The following KIF26B variants were observed in gnomAD, a reference collection of about 807,000 sequenced individuals.
The protein encoded by KIF26B is kinesin-like protein KIF26B.
In KIF26B, 63 loss-of-function variants were observed where a neutral mutation model predicts 151.2. The observed-to-expected ratio is 0.42, with a 90% CI of 0.34 to 0.51. The LOEUF is 0.51. Ranked by LOEUF, KIF26B falls within the 20% of genes least tolerant of loss-of-function variation. The pLI is 0.07. For synonymous variants in KIF26B, 1,357 were observed against 1,262.1 expected (o/e 1.08, Z -1.59); for missense variants, 2,813 against 2,913.6 (o/e 0.97, Z 0.79).
chr1:245,692,607 GCAAGCCACAGTCACACCCGGAACAAACA>G (rs1023244318), intron 12 of KIF26B, among the ~76,000 whole-genome samples: 6 of 152,144 alleles, frequency 3.9e-5, no homozygotes, highest in Non-Finnish European at 2.9e-5. Context: ...GCTAGCAAAC[GCAAGCCACAGTCACACCCGGAACAAACA>G]CAAGCCACAG....
intron 2 of KIF26B, among the ~76,000 whole-genome samples, chr1:245,323,187 C>T (rs959578334): frequency 1.2e-4 from 18 of 152,278 alleles, no homozygotes; most frequent in African/African-American, 3.1e-4. Flanking sequence ...TGTGTATACA[C>T]GCATGGATTT....
At chr1:245,647,380 A>G (rs928056151) in intron 10 of KIF26B, among the ~76,000 whole-genome samples, 8 of 142,506 alleles carry the variant, frequency 5.6e-5, no homozygotes, top group African/African-American at 2.1e-4. Flanking sequence ...AGCCAAGATC[A>G]CGCCACTGCA....
chr1:245,299,465 A>G (rs570910965), intron 2 of KIF26B, among the ~76,000 whole-genome samples: 1 of 152,240 alleles, frequency 6.6e-6, no homozygotes, highest in Non-Finnish European at 1.5e-5. Context: ...GGAAAGGCAA[A>G]TTAATTTTAT....
At chr1:245,574,859 TTTTTC>T (rs1449878193) in intron 5 of KIF26B, among the ~76,000 whole-genome samples, 3 of 144,036 alleles carry the variant, frequency 2.1e-5, no homozygotes, top group African/African-American at 7.9e-5. Context: ...TTTTCTTTTT[TTTTTC>T]TTTTTTTTTT....
At chr1:245,269,648 A>G (rs1670814135) in intron 2 of KIF26B, among the ~76,000 whole-genome samples, 1 of 151,866 alleles carries the variant, frequency 6.6e-6, no homozygotes, top group Admixed American at 6.6e-5. Context: ...TATTTTTAGT[A>G]GAGATGGGGT....
At chr1:245,469,688 C>A (rs1217116605) in intron 4 of KIF26B, among the ~76,000 whole-genome samples, 1 of 152,078 alleles carries the variant, frequency 6.6e-6, no homozygotes, top group East Asian at 1.9e-4. Flanking sequence ...TTAAAAACTG[C>A]CACACAAACT....
At chr1:245,689,212 G>A (rs1406471524) in intron 12 of KIF26B, among the ~76,000 whole-genome samples, 1 of 152,220 alleles carries the variant, frequency 6.6e-6, no homozygotes, top group Non-Finnish European at 1.5e-5. Flanking sequence ...GCTCTTCGCC[G>A]TCCATTCCCT....
chr1:245,695,058 T>G (rs2044673515), intron 12 of KIF26B, among the ~76,000 whole-genome samples: 1 of 152,138 alleles, frequency 6.6e-6, no homozygotes, highest in Non-Finnish European at 1.5e-5. Flanking sequence ...TTAGAGCTGA[T>G]GGTCCCCTGA....
intron 5 of KIF26B, among the ~76,000 whole-genome samples, chr1:245,598,850 G>A (rs909837148): frequency 2.6e-5 from 4 of 152,198 alleles, no homozygotes; most frequent in Admixed American, 2.0e-4. Context: ...GGACTTGGGT[G>A]CAGGAAATGC....
intron 10 of KIF26B, among the ~76,000 whole-genome samples, chr1:245,650,268 T>C (rs930902576): frequency 6.6e-6 from 1 of 152,272 alleles, no homozygotes; most frequent in African/African-American, 2.4e-5. Context: ...GGTACATTCA[T>C]TTGCTGTTCC....
intron 2 of KIF26B, chr1:245,216,392 T>TC (rs1669646460): frequency 1.3e-5 from 1 of 79,770 alleles, no homozygotes; most frequent in Non-Finnish European, 2.6e-5. Context: ...TACCCCGCCC[T>TC]CCCCCACCCC....
At chr1:245,507,045 G>A (rs1377072841) in intron 4 of KIF26B, among the ~76,000 whole-genome samples, 4 of 152,180 alleles carry the variant, frequency 2.6e-5, no homozygotes, top group Non-Finnish European at 5.9e-5. Context: ...ATACCTCCCA[G>A]GAGGCCCGAG....
chr1:245,156,442 C>T lies in KIF26B; in HGVS notation c.224C>T (p.Thr75Ile). 1.3e-6 allele frequency: 2 copies of T among 1,526,932 alleles called. No individual in the cohort carries two copies. The highest frequency in any genetic ancestry group is 1.8e-6 in the Non-Finnish European group (2 of 1,140,726). 94.6% of individuals were successfully genotyped at this position (1,526,932 alleles called of 1,614,324 possible). Reference sequence around the variant, plus strand: ...GGGACCCCGTCTCCCGGCTCGGGCACCTCGTCCCCGAGCTCGTTCACCGGC... The same window carrying T: ...GGGACCCCGTCTCCCGGCTCGGGCATCTCGTCCCCGAGCTCGTTCACCGGC... Reference protein sequence around the residue: ...SSGTPSPGSGTSSPSSFTGSP... With the variant: ...SSGTPSPGSGISSPSSFTGSP... The change falls in exon 2 of 15, where the codon ACC becomes ATC. Residue 75 changes from threonine to isoleucine, a missense_variant. Physicochemically the swap from Thr to Ile is moderately conservative, Grantham distance 89. Transcript: ENST00000407071.
chr1:245,688,489 C>T lies in KIF26B; in HGVS notation c.5506C>T (p.Leu1836=), dbSNP rs1380929389. Residue 1836 remains leucine (L), a synonymous_variant, in exon 12 of 15, where the codon CTG becomes TTG. Coordinates refer to ENST00000407071, the MANE Select transcript of KIF26B (RefSeq NM_018012.4). ...GPEAEARGGA[L]AEDEPAAAHL... ...CGAGGCGGAGGCGCGCGGGGGGGCCCTGGCCGAGGACGAGCCCGCGGCCGC... is the reference window on the plus strand; with the variant it reads ...CGAGGCGGAGGCGCGCGGGGGGGCCTTGGCCGAGGACGAGCCCGCGGCCGC... 3 of 1,438,678 alleles carry T rather than the reference C, an allele frequency of 2.1e-6. No individual in the cohort carries two copies. Among genetic ancestry groups the T allele is most frequent in the African/African-American group, 3.0e-5 (2 of 67,134 alleles). The allele number at this position is 1,438,678 out of a possible 1,614,324, so 89.1% of individuals were successfully genotyped here. A position where few individuals can be genotyped will look rare whatever the true frequency, so the allele number is the denominator to read the frequency against.
chr1:245,296,476 C>T (rs1228187326), intron 2 of KIF26B, among the ~76,000 whole-genome samples: 1 of 152,150 alleles, frequency 6.6e-6, no homozygotes, highest in South Asian at 2.1e-4. Flanking sequence ...GACACAGGTG[C>T]CACCGGGCAG....
At chr1:245,538,918 G>C (rs541881573) in intron 4 of KIF26B, among the ~76,000 whole-genome samples, 12 of 152,024 alleles carry the variant, frequency 7.9e-5, no homozygotes, top group African/African-American at 2.9e-4. Context: ...TTTAGGGAGA[G>C]AATTTCAAAA....
intron 2 of KIF26B, among the ~76,000 whole-genome samples, chr1:245,260,262 TAA>T (rs1163813958): frequency 6.6e-6 from 1 of 152,188 alleles, no homozygotes; most frequent in African/African-American, 2.4e-5. Flanking sequence ...GGTTAATCTG[TAA>T]GTATGCAACA....
intron 4 of KIF26B, among the ~76,000 whole-genome samples, chr1:245,535,301 A>T (rs1173356312): frequency 4.6e-5 from 7 of 152,212 alleles, no homozygotes; most frequent in Non-Finnish European, 8.8e-5. Flanking sequence ...GCTATTATAG[A>T]ATCTATGGCT....
intron 3 of KIF26B, among the ~76,000 whole-genome samples, chr1:245,388,337 A>G (rs1673603023): frequency 6.6e-6 from 1 of 152,152 alleles, no homozygotes; most frequent in African/African-American, 2.4e-5. Context: ...CATGGAAAAT[A>G]TTTTTCCTTT....
Sources: gnomAD v4.1 joint callset for allele counts (sites outside exome capture counted in the v4.1 genomes callset) on GRCh38, gnomAD v4.1.1 for gene constraint, MANE v1.5 for transcripts, NCBI Gene and HGNC (gene_info 2026-07-23, HGNC 2026-07-21) for gene names.